NTRK3: variants seen among roughly 807,000 people sequenced by gnomAD.
NTRK3 encodes NT-3 growth factor receptor.
Under a neutral mutation model 91.7 loss-of-function variants are expected in NTRK3, and 24 were observed. That is an observed-to-expected ratio of 0.26 (90% confidence interval 0.19 to 0.37). NTRK3 has a LOEUF of 0.37. Among genes scored for constraint, NTRK3 ranks in the 10% least tolerant of loss-of-function variants. The probability of loss-of-function intolerance (pLI) is 1.00; values close to 1 mark genes in which losing one functional copy is unlikely to be tolerated. For synonymous variants in NTRK3, 483 were observed against 404.0 expected (o/e 1.20, Z -2.34); for missense variants, 880 against 1,068.9 (o/e 0.82, Z 2.46).
In NTRK3 at chr15:87,891,872, C is replaced by T. The variant is rs79089395; in HGVS notation, c.2134-11444G>A. Reference sequence around the variant, plus strand: ...CCCATGGGATGAGGTCTAGAATTTCCGTGCCATGTAATAGGCAGAGATACA... The same window carrying T: ...CCCATGGGATGAGGTCTAGAATTTCTGTGCCATGTAATAGGCAGAGATACA... On this transcript the variant is annotated intron_variant, in intron 17 of 18. Coordinates refer to ENST00000394480, the Ensembl canonical transcript of NTRK3. Among the ~76,000 whole-genome samples, 1,416 of 152,148 alleles carry T rather than the reference C, an allele frequency of 9.3e-3. 17 individuals are homozygous for T. The highest frequency in any genetic ancestry group is 0.026 in the East Asian group (133 of 5,180).
At chr15:87,879,285 C>G (rs951724797) in intron 18 of NTRK3, among the ~76,000 whole-genome samples, 2 of 152,118 alleles carry the variant, frequency 1.3e-5, no homozygotes, top group Admixed American at 1.3e-4. Flanking sequence ...ATTTTCCCAG[C>G]AAACAGAAGA....
At chr15:88,191,616 G>A (rs980892782) in intron 3 of NTRK3, among the ~76,000 whole-genome samples, 7 of 152,342 alleles carry the variant, frequency 4.6e-5, no homozygotes, top group South Asian at 4.1e-4. Context: ...ATGAATGCAC[G>A]TGTGCACACA....
chr15:88,217,503 A>T (rs1009262415), intron 3 of NTRK3, among the ~76,000 whole-genome samples: 3 of 152,232 alleles, frequency 2.0e-5, no homozygotes, highest in Admixed American at 2.0e-4. Context: ...CAGTCACAAA[A>T]ATACAAACGC....
intron 3 of NTRK3, among the ~76,000 whole-genome samples, chr15:88,231,146 C>G (rs1005674649): frequency 6.6e-6 from 1 of 152,150 alleles, no homozygotes; most frequent in African/African-American, 2.4e-5. Flanking sequence ...TGTCACAGAC[C>G]TCTCCCCCTA....
chr15:88,176,142 T>TTTTA (rs2045975051), intron 5 of NTRK3, among the ~76,000 whole-genome samples: 1 of 146,356 alleles, frequency 6.8e-6, no homozygotes, highest in African/African-American at 2.6e-5. Context: ...CCTTCTTTTT[T>TTTTA]TTTTTTTTTT....
At chr15:88,018,909 T>A (rs540758632) in intron 14 of NTRK3, among the ~76,000 whole-genome samples, 2 of 152,234 alleles carry the variant, frequency 1.3e-5, no homozygotes, top group East Asian at 3.9e-4. Flanking sequence ...TCTTTATTTT[T>A]TTACTACTCC....
chr15:87,951,927 GACC>G lies in NTRK3; in HGVS notation c.1586-11177_1586-11175del, dbSNP rs538155535. 7.2e-5 allele frequency among the ~76,000 whole-genome samples: 11 copies of G among 152,208 alleles called. No individual in the cohort carries two copies. The East Asian group carries it at 2.1e-3, about 29-fold the overall frequency. On this transcript the variant is annotated intron_variant, in intron 14 of 18. Transcript: ENST00000394480. ...AGATCACCTGAGGTCAGGAGTTTGA[GACC>G]AGCCTGGCCAATATAGTGAAAGCAA...
At chr15:88,185,908 G>A (rs1343855400) in intron 3 of NTRK3, among the ~76,000 whole-genome samples, 1 of 152,206 alleles carries the variant, frequency 6.6e-6, no homozygotes, top group Non-Finnish European at 1.5e-5. Context: ...AGTCCCTGCT[G>A]AGCAGCCAGA....
At chr15:88,198,672 C>T (rs767347020) in intron 3 of NTRK3, among the ~76,000 whole-genome samples, 3 of 152,148 alleles carry the variant, frequency 2.0e-5, no homozygotes, top group Non-Finnish European at 2.9e-5. Context: ...TGTTCACCCT[C>T]CTCGTGCCCC....
At chr15:88,003,805 C>A (rs1428374372) in intron 14 of NTRK3, among the ~76,000 whole-genome samples, 2 of 150,352 alleles carry the variant, frequency 1.3e-5, no homozygotes, top group Non-Finnish European at 3.0e-5. Flanking sequence ...TGTAAGGAAC[C>A]AACTGTTATG....
chr15:88,032,297 G>A (rs1306512877), intron 14 of NTRK3, among the ~76,000 whole-genome samples: 1 of 152,136 alleles, frequency 6.6e-6, no homozygotes, highest in East Asian at 1.9e-4. Context: ...GGTGCCCTGA[G>A]CCCTCTGGTC....
At chr15:88,181,843 A>AC (rs1014422104) in intron 5 of NTRK3, among the ~76,000 whole-genome samples, 3 of 152,148 alleles carry the variant, frequency 2.0e-5, no homozygotes, top group Admixed American at 6.6e-5. Flanking sequence ...GGGACACGTG[A>AC]CCCCACCTGG....
intron 13 of NTRK3, among the ~76,000 whole-genome samples, chr15:88,103,688 G>C (rs1210158914): frequency 6.6e-6 from 1 of 152,104 alleles, no homozygotes; most frequent in Non-Finnish European, 1.5e-5. Context: ...CAGTGACCTT[G>C]AAAGGGCACA....
At chr15:88,011,579 T>C (rs1159600947) in intron 14 of NTRK3, among the ~76,000 whole-genome samples, 6 of 152,096 alleles carry the variant, frequency 3.9e-5, no homozygotes, top group African/African-American at 7.2e-5. Context: ...AAGTTTGGGG[T>C]TGGGTCATGG....
intron 10 of NTRK3, among the ~76,000 whole-genome samples, chr15:88,133,346 C>T (rs2041561621): frequency 6.6e-6 from 1 of 152,102 alleles, no homozygotes; most frequent in Admixed American, 6.5e-5. Flanking sequence ...CTGTATCCAC[C>T]ACATCATCCA....
chr15:88,242,523 T>A (rs2052451435), intron 3 of NTRK3, among the ~76,000 whole-genome samples: 2 of 152,246 alleles, frequency 1.3e-5, no homozygotes, highest in Non-Finnish European at 2.9e-5. Flanking sequence ...AGATAACCCT[T>A]TGAGCTGTAG....
intron 14 of NTRK3, among the ~76,000 whole-genome samples, chr15:87,963,335 G>A (rs990126295): frequency 2.6e-4 from 40 of 152,088 alleles, no homozygotes; most frequent in Non-Finnish European, 1.5e-5. Flanking sequence ...TTCAAACACA[G>A]GGGACTAGAC....
At chr15:88,119,845 AG>A (rs1377388103) in intron 13 of NTRK3, among the ~76,000 whole-genome samples, 3 of 152,186 alleles carry the variant, frequency 2.0e-5, no homozygotes, top group Non-Finnish European at 2.9e-5. Flanking sequence ...GCAGGGTGAA[AG>A]AAACTATTTT....
chr15:88,125,134 C>T (rs1214848260), intron 13 of NTRK3, among the ~76,000 whole-genome samples: 2 of 152,198 alleles, frequency 1.3e-5, no homozygotes, highest in Non-Finnish European at 2.9e-5. Flanking sequence ...GTTTTCTACC[C>T]TTCTAATCCT....
Sources: gnomAD v4.1 joint callset for allele counts (sites outside exome capture counted in the v4.1 genomes callset) on GRCh38, gnomAD v4.1.1 for gene constraint, MANE v1.5 for transcripts, NCBI Gene and HGNC (gene_info 2026-07-23, HGNC 2026-07-21) for gene names.